The following CIRSR variants were observed in gnomAD, a reference collection of about 807,000 sequenced individuals.
The protein encoded by CIRSR is CBF1 (RBPJ) interacting corepressor 1.
chr2:174,350,446 C>T, the CIRSR span, among the ~76,000 whole-genome samples: 7 of 152,096 alleles, frequency 4.6e-5, no homozygotes, highest in South Asian at 2.1e-4. Context: ...AAAGTGCAAT[C>T]GTTTTGTGGT....
chr2:174,364,508 C>A, the CIRSR span, among the ~76,000 whole-genome samples: 12 of 152,198 alleles, frequency 7.9e-5, no homozygotes, highest in Admixed American at 1.3e-4. Flanking sequence ...GGGGCTCCAA[C>A]CCCACATTTC....
At chr2:174,381,144 G>A in the CIRSR span, among the ~76,000 whole-genome samples, 30 of 152,236 alleles carry the variant, frequency 2.0e-4, 1 homozygote, top group African/African-American at 7.2e-4. Context: ...AAGAATAAGT[G>A]TACTTTGGAC....
At chr2:174,388,664 T>C in the CIRSR span, among the ~76,000 whole-genome samples, 2 of 152,294 alleles carry the variant, frequency 1.3e-5, no homozygotes, top group Non-Finnish European at 2.9e-5. Flanking sequence ...CACATTCTTC[T>C]TATATAAATG....
chr2:174,348,481 C>T, the CIRSR span: 31 of 1,575,414 alleles, frequency 2.0e-5, no homozygotes, highest in South Asian at 3.6e-4. Context: ...TACAGTCTTT[C>T]TTCTCTACTT....
chr2:174,366,842 T>C, the CIRSR span, among the ~76,000 whole-genome samples: 1 of 152,182 alleles, frequency 6.6e-6, no homozygotes, highest in Non-Finnish European at 1.5e-5. Flanking sequence ...GTACTAACCA[T>C]GAAATTGTAT....
chr2:174,381,580 G>C, the CIRSR span: 1 of 632,338 alleles, frequency 1.6e-6, no homozygotes, highest in African/African-American at 1.9e-5. Context: ...TCCAACTCAG[G>C]AGGTGGATGG....
the CIRSR span, among the ~76,000 whole-genome samples, chr2:174,369,716 G>A: frequency 6.6e-6 from 1 of 152,110 alleles, no homozygotes; most frequent in South Asian, 2.1e-4. Context: ...CTGAAGAAAG[G>A]GAGAGAGATA....
chr2:174,367,720 C>A, the CIRSR span, among the ~76,000 whole-genome samples: 1 of 118,328 alleles, frequency 8.5e-6, no homozygotes, highest in Non-Finnish European at 1.6e-5. Flanking sequence ...CCAGCCTGGG[C>A]AAGAGAGAGA....
At chr2:174,352,014 A>C in the CIRSR span, 2 of 229,040 alleles carry the variant, frequency 8.7e-6, no homozygotes, top group Non-Finnish European at 1.7e-5. Flanking sequence ...TTTTTAGTAT[A>C]AAATCAAAGC....
At chr2:174,380,803 C>T in the CIRSR span, 4 of 1,597,632 alleles carry the variant, frequency 2.5e-6, no homozygotes, top group Non-Finnish European at 3.4e-6. Context: ...TAGTACTTTA[C>T]CTCTTTGTTT....
the CIRSR span, among the ~76,000 whole-genome samples, chr2:174,386,195 A>G: frequency 6.6e-6 from 1 of 152,042 alleles, no homozygotes; most frequent in Non-Finnish European, 1.5e-5. Context: ...GTTGTTGTTT[A>G]TCTGAGACGG....
the CIRSR span, chr2:174,348,395 C>T: frequency 6.7e-7 from 1 of 1,489,222 alleles, no homozygotes; most frequent in Non-Finnish European, 8.9e-7. Flanking sequence ...AGAAAGACAA[C>T]AGTACATAAT....
the CIRSR span, among the ~76,000 whole-genome samples, chr2:174,378,057 GTGGCCTGAGAGGACAGGGCTTCA>G: frequency 6.6e-6 from 1 of 152,092 alleles, no homozygotes; most frequent in East Asian, 1.9e-4. Context: ...ACAGGCCTTG[GTGGCCTGAGAGGACAGGGCTTCA>G]TGCCCAGAGC....
chr2:174,355,332 T>C, the CIRSR span, among the ~76,000 whole-genome samples: 1 of 152,218 alleles, frequency 6.6e-6, no homozygotes, highest in African/African-American at 2.4e-5. Context: ...GTTTGGCTTA[T>C]TCTTAAATTT....
the CIRSR span, among the ~76,000 whole-genome samples, chr2:174,368,971 C>A: frequency 4.9e-4 from 74 of 152,276 alleles, no homozygotes; most frequent in Middle Eastern, 3.4e-3. Flanking sequence ...TGAACATTGG[C>A]TTCAGAAATT....
the CIRSR span, among the ~76,000 whole-genome samples, chr2:174,384,085 A>G: frequency 1.3e-5 from 2 of 152,236 alleles, no homozygotes; most frequent in Non-Finnish European, 2.9e-5. Context: ...GCCAATGTTT[A>G]TAGCAGCATT....
chr2:174,370,408 A>C, the CIRSR span, among the ~76,000 whole-genome samples: 1 of 152,196 alleles, frequency 6.6e-6, no homozygotes, highest in African/African-American at 2.4e-5. Flanking sequence ...TGCAATTCAA[A>C]CATGGAAAGA....
At chr2:174,370,873 T>C in the CIRSR span, among the ~76,000 whole-genome samples, 2 of 144,776 alleles carry the variant, frequency 1.4e-5, no homozygotes, top group South Asian at 2.1e-4. Context: ...ATCGAGCCAC[T>C]GCAATCCATC....
chr2:174,383,976 C>T, the CIRSR span, among the ~76,000 whole-genome samples: 1 of 152,038 alleles, frequency 6.6e-6, no homozygotes, highest in African/African-American at 2.4e-5. Context: ...CATGGTTCCT[C>T]AAAACGCTAA....
Sources: allele counts gnomAD v4.1 joint callset (sites outside exome capture counted in the v4.1 genomes callset), GRCh38; gene constraint gnomAD v4.1.1; transcripts MANE v1.5; gene names NCBI Gene and HGNC (gene_info 2026-07-23, HGNC 2026-07-21).